Variants in UBE2L3 observed in about 807,000 individuals in gnomAD.
UBE2L3 encodes the protein ubiquitin conjugating enzyme E2 L3.
Under a neutral mutation model 17.8 loss-of-function variants are expected in UBE2L3, and 1 was observed. The ratio of observed to expected loss-of-function variants is 0.06; its 90% CI spans 0.02 to 0.27. UBE2L3 has a LOEUF of 0.27. UBE2L3 is among the 10% of genes least tolerant of loss of function. The pLI, the probability that UBE2L3 is intolerant of heterozygous loss-of-function variation, is 1.00. For synonymous variants in UBE2L3, 44 were observed against 68.5 expected (o/e 0.64, Z 1.76); for missense variants, 40 against 192.6 (o/e 0.21, Z 4.69).
chr22:21,557,684 G>A (rs562775499), intron 1 of UBE2L3, among the ~76,000 whole-genome samples: 4 of 152,334 alleles, frequency 2.6e-5, no homozygotes, highest in Admixed American at 6.5e-5. Flanking sequence ...CACCGAGCCC[G>A]GCTAATTTTT....
chr22:21,596,374 A>G (rs574876431), intron 2 of UBE2L3, among the ~76,000 whole-genome samples: 2 of 151,660 alleles, frequency 1.3e-5, no homozygotes, highest in South Asian at 2.1e-4. Flanking sequence ...ATTTTATTCC[A>G]TTTTATTTTA....
chr22:21,606,584 G>A (rs997504890), intron 2 of UBE2L3, among the ~76,000 whole-genome samples: 2 of 152,116 alleles, frequency 1.3e-5, no homozygotes, highest in Admixed American at 1.3e-4. Flanking sequence ...GCTGGGTATG[G>A]TGCATCACTC....
At chr22:21,597,295 T>C (rs953433596) in intron 2 of UBE2L3, among the ~76,000 whole-genome samples, 1 of 152,110 alleles carries the variant, frequency 6.6e-6, no homozygotes, top group Non-Finnish European at 1.5e-5. Flanking sequence ...CACTAAAGTT[T>C]TAAATTTTTT....
chr22:21,560,446 ATTTTTTT>A lies in UBE2L3; in HGVS notation c.201+10812_201+10818del, dbSNP rs59968738. Among the ~76,000 whole-genome samples, 80 of 126,040 alleles carry A rather than the reference ATTTTTTT, an allele frequency of 6.3e-4. No individual in the cohort carries two copies. The East Asian group carries it at 8.5e-3, about 13-fold the overall frequency. 82.7% of individuals were successfully genotyped at this position (126,040 alleles called of 152,430 possible). On this transcript the variant is annotated intron_variant, in intron 1 of 3. Coordinates refer to the UBE2L3 transcript ENST00000458578. The stretch of plus-strand genomic sequence containing the variant: ...CTCCATTTCTCTTCCCTTTAGATCT[ATTTTTTT>A]TTTTTTTTTTTTTTTGAGATGGAGT...
At chr22:21,566,918 T>C (rs1926659483), upstream of UBE2L3, among the ~76,000 whole-genome samples, 1 of 152,190 alleles carries the variant, frequency 6.6e-6, no homozygotes, top group Non-Finnish European at 1.5e-5. Context: ...CGTGTGACCT[T>C]GGGCAAGTCA....
In UBE2L3 at chr22:21,579,187, T is replaced by C. The variant is rs142330866; in HGVS notation, c.27+11416T>C. Among the ~76,000 whole-genome samples the C allele has an allele frequency of 7.2e-5, 11 of 152,066 alleles. 1 individual carries two copies. In the East Asian group the frequency reaches 2.1e-3, roughly 30 times the overall value. Reference sequence around the variant, plus strand: ...TGTATTTTTAGTAGAGACGGGGGTTTCACCATGTTGGCCAGGATGGTCTCG... The same window carrying C: ...TGTATTTTTAGTAGAGACGGGGGTTCCACCATGTTGGCCAGGATGGTCTCG... On this transcript the variant is annotated intron_variant, in intron 1 of 3. Transcript: ENST00000342192.
chr22:21,570,375 G>A (rs144439524), intron 1 of UBE2L3, among the ~76,000 whole-genome samples: 1 of 152,164 alleles, frequency 6.6e-6, no homozygotes, highest in South Asian at 2.1e-4. Flanking sequence ...TAAGTATTAG[G>A]TTATTTACGT....
chr22:21,559,897 C>T (rs1334408443), intron 1 of UBE2L3, among the ~76,000 whole-genome samples: 13 of 152,296 alleles, frequency 8.5e-5, no homozygotes, highest in African/African-American at 3.1e-4. Context: ...CTGGATGGGG[C>T]TGGATACCTG....
intron 1 of UBE2L3, 176 bp downstream of exon 1, chr22:21,567,947 A>G (rs1481882043): frequency 2.1e-5 from 29 of 1,403,652 alleles, no homozygotes; most frequent in Non-Finnish European, 2.7e-5. Flanking sequence ...CCTAGGCCGC[A>G]GCCTGGGCGG....
intron 1 of UBE2L3, among the ~76,000 whole-genome samples, chr22:21,577,028 G>A (rs892924725): frequency 6.6e-6 from 1 of 150,770 alleles, no homozygotes; most frequent in Non-Finnish European, 1.5e-5. Flanking sequence ...GAGTGCAGTG[G>A]TACAGTCTTG....
chr22:21,572,448 C>T (rs1261315335), intron 1 of UBE2L3, among the ~76,000 whole-genome samples: 1 of 146,690 alleles, frequency 6.8e-6, no homozygotes, highest in East Asian at 2.0e-4. Flanking sequence ...AAAAGAAAAC[C>T]CTGAGACAAA....
chr22:21,567,544 C>A, upstream of UBE2L3: 3 of 1,193,828 alleles, frequency 2.5e-6, no homozygotes, highest in Non-Finnish European at 3.4e-6. Flanking sequence ...TTGGACGATC[C>A]GTAAACGCTG....
rs781743627 is a variant in UBE2L3, at chr22:21,575,277, A to AT, written c.27+7506_27+7507insT. 3.6e-3 allele frequency among the ~76,000 whole-genome samples: 522 copies of AT among 144,996 alleles called. 9 individuals carry two copies. Among genetic ancestry groups the AT allele is most frequent in the African/African-American group, 0.01 (403 of 38,452 alleles). On this transcript the variant is annotated intron_variant, in intron 1 of 3. Transcript: ENST00000342192. ...CCATCTCAAAAAAAAAAAAAAAAAA[A>AT]GAAAAGGAAAAAGAAAAATGTTTAC...
intron 1 of UBE2L3, among the ~76,000 whole-genome samples, chr22:21,577,135 A>G (rs1927358010): frequency 6.6e-6 from 1 of 151,456 alleles, no homozygotes; most frequent in Non-Finnish European, 1.5e-5. Context: ...CACCCAGCTA[A>G]TCTTTTGTAT....
chr22:21,556,738 A>C (rs1422408336), intron 1 of UBE2L3, among the ~76,000 whole-genome samples: 6 of 151,654 alleles, frequency 4.0e-5, no homozygotes, highest in African/African-American at 7.3e-5. Flanking sequence ...CTGAGATTAC[A>C]GGCATGAGCC....
intron 1 of UBE2L3, among the ~76,000 whole-genome samples, chr22:21,591,509 C>G (rs949868862): frequency 2.6e-5 from 4 of 152,230 alleles, no homozygotes; most frequent in Non-Finnish European, 5.9e-5. Context: ...CTCTGCTGCT[C>G]TGGGCCGGGC....
intron 1 of UBE2L3, among the ~76,000 whole-genome samples, chr22:21,591,774 G>A (rs1568978976): frequency 6.6e-6 from 1 of 152,196 alleles, no homozygotes; most frequent in Non-Finnish European, 1.5e-5. Flanking sequence ...GCAGCCTGGC[G>A]AAGGAGGCAG....
intron 2 of UBE2L3, among the ~76,000 whole-genome samples, chr22:21,598,094 C>T (rs1233432580): frequency 6.6e-6 from 1 of 150,432 alleles, no homozygotes; most frequent in Non-Finnish European, 1.5e-5. Context: ...TGCCCTGCCT[C>T]ATTTCTTATT....
chr22:21,608,324 A>G (rs1337976626), intron 2 of UBE2L3, among the ~76,000 whole-genome samples: 1 of 152,196 alleles, frequency 6.6e-6, no homozygotes, highest in African/African-American at 2.4e-5. Context: ...ATCACAGCTC[A>G]TTGCATTCTC....
Sources: gnomAD v4.1 joint callset for allele counts (sites outside exome capture counted in the v4.1 genomes callset) on GRCh38, gnomAD v4.1.1 for gene constraint, MANE v1.5 for transcripts, NCBI Gene and HGNC (gene_info 2026-07-23, HGNC 2026-07-21) for gene names.